The following MON2 variants were observed in gnomAD, a reference collection of about 807,000 sequenced individuals.
MON2 encodes the protein MON2 regulator of endosome-to-Golgi trafficking.
In MON2, 84 loss-of-function variants were observed where a neutral mutation model predicts 208.6. The observed-to-expected ratio is 0.40, with a 90% CI of 0.34 to 0.48. MON2 has a LOEUF of 0.48. MON2 is among the 20% of genes least tolerant of loss of function. The pLI, the probability that MON2 is intolerant of heterozygous loss-of-function variation, is 0.59. For missense variants in MON2, 1,611 were observed against 2,015.4 expected, an observed-to-expected ratio of 0.80 and a Z score of 3.84; for synonymous variants, 660 against 694.0, an observed-to-expected ratio of 0.95 and a Z score of 0.77.
In MON2 at chr12:62,598,937, C is replaced by A. The variant is rs896441855; in HGVS notation, c.*6188C>A. On this transcript the variant is annotated 3_prime_UTR_variant, in exon 35 of 35. Transcript: ENST00000393630. ...CTAGTGTTTCTTTATAACTTAAAAT[C>A]ATAACCACTTTGATAATTTACCTTT... The A allele has an allele frequency of 1.2e-4, 19 of 152,126 alleles. No homozygotes were observed. The highest frequency in any genetic ancestry group is 4.3e-4 in the African/African-American group (18 of 41,460). The allele number at this position is 152,126 out of a possible 1,614,324, so 9.4% of individuals were successfully genotyped here. A position where few individuals can be genotyped will look rare whatever the true frequency, so the allele number is the denominator to read the frequency against.
intron 30 of MON2, among the ~76,000 whole-genome samples, chr12:62,576,591 T>G (rs1323247147): frequency 6.6e-5 from 10 of 152,012 alleles, no homozygotes; most frequent in African/African-American, 2.2e-4. Flanking sequence ...AAAATAAATT[T>G]TTAAAGATTA....
At chr12:62,491,198 A>G (rs569711877) in intron 2 of MON2, among the ~76,000 whole-genome samples, 1 of 152,322 alleles carries the variant, frequency 6.6e-6, no homozygotes, top group East Asian at 1.9e-4. Flanking sequence ...TTATGGTAAG[A>G]TGAATAAAGC....
chr12:62,578,407 T>G, intron 30 of MON2, 38 bp from the exon 31 acceptor site: 1 of 1,251,506 alleles, frequency 8.0e-7, no homozygotes, highest in Non-Finnish European at 1.1e-6. Context: ...TTGCAGGGAA[T>G]ATTTTATCTT....
At chr12:62,486,065 T>A (rs938083501) in intron 2 of MON2, among the ~76,000 whole-genome samples, 3 of 152,078 alleles carry the variant, frequency 2.0e-5, no homozygotes, top group African/African-American at 7.2e-5. Context: ...AAATTGGTGT[T>A]TAAAGAAAAA....
intron 10 of MON2, among the ~76,000 whole-genome samples, chr12:62,525,526 G>T (rs1164436425): frequency 2.0e-5 from 3 of 151,988 alleles, no homozygotes; most frequent in Non-Finnish European, 4.4e-5. Flanking sequence ...GAGTCTAGAT[G>T]GTTACCACCT....
rs1444663262 is a variant in MON2, at chr12:62,553,098, G to T, written c.3134G>T (p.Gly1045Val). ...DPRPAVRKSA[G>V]QTLFSTIGAH... ...CGTCCTGCTGTCAGGAAGAGTGCAG[G>T]GCAAACTCTGTTTTCTACAATTGGT... is the stretch of plus-strand genomic sequence containing the variant. The change falls in exon 24 of 35, where the codon GGG becomes GTG. Residue 1045 changes from glycine (G) to valine (V), a missense_variant. Gly to Val is a moderately radical substitution (Grantham distance 109). Coordinates refer to ENST00000393630, the MANE Select transcript of MON2 (RefSeq NM_015026.3). 6.2e-7 allele frequency: 1 copy of T among 1,614,088 alleles called. No individual in the cohort carries two copies. Among genetic ancestry groups the T allele is most frequent in the Non-Finnish European group, 8.5e-7 (1 of 1,180,002 alleles).
rs1279780602 is a variant in MON2 at position 62,508,573 on chromosome 12, A to G, written c.984+93A>G. 2.3e-5 allele frequency: 27 copies of G among 1,158,456 alleles called. No homozygotes were observed. The Admixed American group carries it at 3.7e-4, about 16-fold the overall frequency. 71.8% of individuals were successfully genotyped at this position (1,158,456 alleles called of 1,614,324 possible). A position where few individuals can be genotyped will look rare whatever the true frequency, so the allele number is the denominator to read the frequency against. On this transcript the variant is annotated intron_variant, in intron 8 of 34. Transcript: ENST00000393630. ...TGTTGTAGCGCATTTAGTTTTTTCA[A>G]TTCAGTTCAACAGAATTTTTTTGAG... is the stretch of plus-strand genomic sequence containing the variant.
chr12:62,540,380 T>C (rs1332555431), intron 19 of MON2, among the ~76,000 whole-genome samples: 3 of 152,198 alleles, frequency 2.0e-5, no homozygotes, highest in Admixed American at 1.3e-4. Context: ...TAAGATGTTA[T>C]TGGTATATGT....
At chr12:62,505,725 TA>T (rs113734022) in intron 7 of MON2, among the ~76,000 whole-genome samples, 287 of 139,932 alleles carry the variant, frequency 2.1e-3, no homozygotes, top group East Asian at 2.3e-3. Context: ...TACGAAAAAT[TA>T]AAAAAAAAAA....
intron 21 of MON2, among the ~76,000 whole-genome samples, chr12:62,546,388 T>TC (rs1414646355): frequency 1.7e-4 from 26 of 152,234 alleles, no homozygotes; most frequent in African/African-American, 6.3e-4. Context: ...GTTGATTTTT[T>TC]CTCTTATTTA....
intron 8 of MON2, among the ~76,000 whole-genome samples, chr12:62,521,951 G>T (rs572375696): frequency 1.3e-5 from 2 of 152,316 alleles, no homozygotes; most frequent in African/African-American, 4.8e-5. Context: ...CCAGCACTTT[G>T]GAAGGCCAAG....
chr12:62,587,564 C>T (rs975128223), intron 33 of MON2, among the ~76,000 whole-genome samples: 2 of 151,112 alleles, frequency 1.3e-5, no homozygotes, highest in African/African-American at 4.9e-5. Flanking sequence ...GCAAGCAAGA[C>T]CTTGTTTCTA....
chr12:62,469,652 G>T (rs1338684833), intron 1 of MON2, among the ~76,000 whole-genome samples: 4 of 152,126 alleles, frequency 2.6e-5, no homozygotes, highest in South Asian at 2.1e-4. Flanking sequence ...TGACTTTCAA[G>T]AAATAGTTTG....
At chr12:62,572,494 C>G (rs769015482) in intron 30 of MON2, among the ~76,000 whole-genome samples, 15 of 152,174 alleles carry the variant, frequency 9.9e-5, no homozygotes, top group South Asian at 4.1e-4. Context: ...TGCCCAGACC[C>G]AAGTGCAGCA....
chr12:62,495,917 G>A (rs2070451878), intron 4 of MON2, among the ~76,000 whole-genome samples: 3 of 151,744 alleles, frequency 2.0e-5, no homozygotes, highest in Admixed American at 2.0e-4. Flanking sequence ...TTTGGAACAT[G>A]TAAGAGCCAT....
chr12:62,545,284 A>G (rs963941498), intron 21 of MON2, among the ~76,000 whole-genome samples: 2 of 151,930 alleles, frequency 1.3e-5, no homozygotes, highest in African/African-American at 4.8e-5. Flanking sequence ...ATGCAGTGCT[A>G]AAGTGTTGTT....
Position 62,598,778 on chromosome 12 carries a change from C to T in MON2, c.*6029C>T, listed in dbSNP as rs1007158815. ...CATGAAATTGTATTGGCCTCAAACCCAAATTTTCTTTGTAGTCTAGGATAG... is the reference window on the plus strand; with the variant it reads ...CATGAAATTGTATTGGCCTCAAACCTAAATTTTCTTTGTAGTCTAGGATAG... On this transcript the variant is annotated 3_prime_UTR_variant, in exon 35 of 35. Coordinates refer to ENST00000393630, the MANE Select transcript of MON2 (RefSeq NM_015026.3). The T allele has an allele frequency of 6.6e-6, 1 of 152,082 alleles. No homozygotes were observed. The highest frequency in any genetic ancestry group is 1.5e-5 in the Non-Finnish European group (1 of 67,998). 9.4% of individuals were successfully genotyped at this position (152,082 alleles called of 1,614,324 possible).
In MON2 at chr12:62,515,684, G is replaced by A. The variant is rs148918307; in HGVS notation, c.984+7204G>A. Reference sequence around the variant, plus strand: ...AAAAAAATTAGCTGGGTGTGGTGGCGCACACCTGTAATTCCAACTACTTGA... The same window carrying A: ...AAAAAAATTAGCTGGGTGTGGTGGCACACACCTGTAATTCCAACTACTTGA... On this transcript the variant is annotated intron_variant, in intron 8 of 34. Coordinates refer to ENST00000393630, the MANE Select transcript of MON2 (RefSeq NM_015026.3). 2.5e-3 allele frequency among the ~76,000 whole-genome samples: 377 copies of A among 152,008 alleles called. 2 individuals carry two copies. Among genetic ancestry groups the A allele is most frequent in the African/African-American group, 8.5e-3 (352 of 41,454 alleles).
At chr12:62,579,311 TTAAA>T (rs1395435629) in intron 31 of MON2, among the ~76,000 whole-genome samples, 2 of 152,044 alleles carry the variant, frequency 1.3e-5, no homozygotes, top group African/African-American at 4.8e-5. Flanking sequence ...TAAATGGAAT[TTAAA>T]TAAGCAGTTC....
Sources: allele counts gnomAD v4.1 joint callset (sites outside exome capture counted in the v4.1 genomes callset), GRCh38; gene constraint gnomAD v4.1.1; transcripts MANE v1.5; gene names NCBI Gene and HGNC (gene_info 2026-07-23, HGNC 2026-07-21).